ST6GALNAC3: variants seen among roughly 807,000 people sequenced by gnomAD.
ST6GALNAC3 encodes the protein ST6 N-acetylgalactosaminide alpha-2,6-sialyltransferase 3.
A neutral mutation model predicts 32.7 loss-of-function variants in ST6GALNAC3; 25 were observed. The observed-to-expected ratio is 0.76, with a 90% confidence interval of 0.56 to 1.07. The LOEUF (loss-of-function observed/expected upper bound fraction) is 1.07, where lower values mean the gene tolerates loss of function less well. Ranked by LOEUF, ST6GALNAC3 falls within the 50% of genes least tolerant of loss-of-function variation. The pLI, the probability that ST6GALNAC3 is intolerant of heterozygous loss-of-function variation, is 0.00. For synonymous variants in ST6GALNAC3, 129 were observed against 133.1 expected (o/e 0.97, Z 0.21); for missense variants, 355 against 382.4 (o/e 0.93, Z 0.60).
At chr1:76,215,091 G>A (rs983221892) in intron 1 of ST6GALNAC3, among the ~76,000 whole-genome samples, 1 of 152,218 alleles carries the variant, frequency 6.6e-6, no homozygotes, top group Non-Finnish European at 1.5e-5. Flanking sequence ...TAGCTAGCCA[G>A]TGCTTCTGTC....
chr1:76,247,134 G>A (rs992459392), intron 1 of ST6GALNAC3, among the ~76,000 whole-genome samples: 4 of 152,192 alleles, frequency 2.6e-5, no homozygotes, highest in African/African-American at 9.6e-5. Context: ...AGTGGAGGCT[G>A]CAGAACAGCA....
intron 3 of ST6GALNAC3, among the ~76,000 whole-genome samples, chr1:76,512,617 A>G (rs1008465564): frequency 2.0e-5 from 3 of 152,152 alleles, no homozygotes; most frequent in African/African-American, 7.2e-5. Context: ...ACACAATACC[A>G]TCCTATTAAC....
At chr1:76,488,322 T>C (rs1270544081) in intron 3 of ST6GALNAC3, among the ~76,000 whole-genome samples, 1 of 121,748 alleles carries the variant, frequency 8.2e-6, no homozygotes, top group East Asian at 2.6e-4. Flanking sequence ...ATGTGCCGGC[T>C]ACCCCTTCAC....
At chr1:76,473,946 A>G (rs1392957907) in intron 3 of ST6GALNAC3, among the ~76,000 whole-genome samples, 1 of 151,456 alleles carries the variant, frequency 6.6e-6, no homozygotes, top group African/African-American at 2.4e-5. Flanking sequence ...GCTAACAAGA[A>G]AAAAAAAAGC....
At chr1:76,161,030 A>G (rs1169854590) in intron 1 of ST6GALNAC3, among the ~76,000 whole-genome samples, 1 of 152,254 alleles carries the variant, frequency 6.6e-6, no homozygotes, top group Non-Finnish European at 1.5e-5. Flanking sequence ...TTGGAAACTT[A>G]CATGAGTACT....
intron 1 of ST6GALNAC3, among the ~76,000 whole-genome samples, chr1:76,145,648 G>A (rs564181569): frequency 2.0e-5 from 3 of 152,308 alleles, no homozygotes; most frequent in African/African-American, 4.8e-5. Flanking sequence ...TGTTTAAGTC[G>A]ATATGTCTGC....
At chr1:76,156,737 T>C (rs1651451742) in intron 1 of ST6GALNAC3, among the ~76,000 whole-genome samples, 1 of 152,200 alleles carries the variant, frequency 6.6e-6, no homozygotes, top group Non-Finnish European at 1.5e-5. Context: ...CAAAAAGCCC[T>C]GGCCTTTTTT....
chr1:76,140,282 A>G (rs991245298), intron 1 of ST6GALNAC3, among the ~76,000 whole-genome samples: 1 of 152,150 alleles, frequency 6.6e-6, no homozygotes, highest in Non-Finnish European at 1.5e-5. Flanking sequence ...TTTCATTAAC[A>G]CTGTGGGCGA....
chr1:76,250,598 G>T (rs1657552629), intron 1 of ST6GALNAC3, among the ~76,000 whole-genome samples: 1 of 152,144 alleles, frequency 6.6e-6, no homozygotes. Flanking sequence ...TGCAGTCTCA[G>T]GAGTTTCCAA....
chr1:76,087,868 A>G (rs1646985241), intron 1 of ST6GALNAC3, among the ~76,000 whole-genome samples: 2 of 152,242 alleles, frequency 1.3e-5, no homozygotes, highest in Admixed American at 1.3e-4. Flanking sequence ...CTGGACACTT[A>G]CTATATGATA....
chr1:76,079,995 T>C (rs1646870826), intron 1 of ST6GALNAC3, among the ~76,000 whole-genome samples: 1 of 152,206 alleles, frequency 6.6e-6, no homozygotes. Flanking sequence ...TATCAAATGT[T>C]AGGGAGCCGC....
intron 3 of ST6GALNAC3, among the ~76,000 whole-genome samples, chr1:76,524,571 ATT>A (rs1458260170): frequency 1.3e-5 from 2 of 152,120 alleles, no homozygotes; most frequent in Non-Finnish European, 2.9e-5. Flanking sequence ...TTCATCATTT[ATT>A]TATTAAAGAA....
intron 3 of ST6GALNAC3, among the ~76,000 whole-genome samples, chr1:76,516,958 A>G (rs527426072): frequency 6.6e-6 from 1 of 151,902 alleles, no homozygotes; most frequent in African/African-American, 2.4e-5. Flanking sequence ...GTATAGTAAA[A>G]TCTTTCAGTC....
chr1:76,609,079 C>G (rs376205612), intron 3 of ST6GALNAC3, among the ~76,000 whole-genome samples: 1 of 152,246 alleles, frequency 6.6e-6, no homozygotes, highest in East Asian at 1.9e-4. Flanking sequence ...CACCTGTAAT[C>G]CCAGCACTTG....
chr1:76,352,513 T>TG (rs1649072515), intron 2 of ST6GALNAC3, among the ~76,000 whole-genome samples: 1 of 149,738 alleles, frequency 6.7e-6, no homozygotes, highest in African/African-American at 2.5e-5. Context: ...TTTTTTTTTT[T>TG]TTTTTTACCT....
At chr1:76,087,452 G>A (rs1347694536) in intron 1 of ST6GALNAC3, among the ~76,000 whole-genome samples, 3 of 152,158 alleles carry the variant, frequency 2.0e-5, no homozygotes, top group Non-Finnish European at 2.9e-5. Context: ...GTAAGAGGAG[G>A]GGTAGAGAGA....
intron 3 of ST6GALNAC3, among the ~76,000 whole-genome samples, chr1:76,561,682 T>C (rs898154849): frequency 1.3e-5 from 2 of 152,166 alleles, no homozygotes; most frequent in Non-Finnish European, 2.9e-5. Context: ...GGAATCAAAA[T>C]GGCACAGCAG....
intron 1 of ST6GALNAC3, among the ~76,000 whole-genome samples, chr1:76,138,599 G>T (rs2100264870): frequency 6.6e-6 from 1 of 152,236 alleles, no homozygotes; most frequent in South Asian, 2.1e-4. Context: ...AATCCCAACA[G>T]CCTTCCAAAT....
At chr1:76,500,027 T>C (rs1162408076) in intron 3 of ST6GALNAC3, among the ~76,000 whole-genome samples, 3 of 152,036 alleles carry the variant, frequency 2.0e-5, no homozygotes, top group Non-Finnish European at 4.4e-5. Context: ...TCTTCTTCAA[T>C]GTGGAGATTT....
Sources: allele counts gnomAD v4.1 joint callset (sites outside exome capture counted in the v4.1 genomes callset), GRCh38; gene constraint gnomAD v4.1.1; transcripts MANE v1.5; gene names NCBI Gene and HGNC (gene_info 2026-07-23, HGNC 2026-07-21).